The following GPR158 variants were observed in gnomAD, a reference collection of about 807,000 sequenced individuals.
GPR158 encodes the protein metabotropic glycine receptor.
A neutral mutation model predicts 78.2 loss-of-function variants in GPR158; 30 were observed. The observed-to-expected ratio is 0.38, with a 90% CI of 0.29 to 0.52. The LOEUF (loss-of-function observed/expected upper bound fraction) is 0.52, where lower values mean the gene tolerates loss of function less well. Among genes scored for constraint, GPR158 ranks in the 20% least tolerant of loss-of-function variants. The pLI, the probability that GPR158 is intolerant of heterozygous loss-of-function variation, is 0.83. For missense variants in GPR158, 1,463 were observed against 1,523.5 expected, an observed-to-expected ratio of 0.96 and a Z score of 0.66; for synonymous variants, 581 against 591.1, an observed-to-expected ratio of 0.98 and a Z score of 0.25.
At chr10:25,491,797 C>T (rs180716768) in intron 5 of GPR158, among the ~76,000 whole-genome samples, 5 of 152,182 alleles carry the variant, frequency 3.3e-5, no homozygotes, top group Non-Finnish European at 7.4e-5. Context: ...CACTGAAGAA[C>T]ATTTTACTTA....
intron 4 of GPR158, among the ~76,000 whole-genome samples, chr10:25,434,151 ACT>A (rs1157071088): frequency 6.6e-6 from 1 of 152,016 alleles, no homozygotes; most frequent in Non-Finnish European, 1.5e-5. Flanking sequence ...ACACAGCAAG[ACT>A]CTGTCTCAAA....
chr10:25,338,469 TTATAC>T (rs1855249017), intron 2 of GPR158, among the ~76,000 whole-genome samples: 1 of 136,622 alleles, frequency 7.3e-6, no homozygotes, highest in Non-Finnish European at 1.5e-5. Context: ...ATTACGTATA[TTATAC>T]GTATAATATA....
intron 2 of GPR158, among the ~76,000 whole-genome samples, chr10:25,312,937 A>G (rs2130465176): frequency 6.6e-6 from 1 of 152,212 alleles, no homozygotes; most frequent in South Asian, 2.1e-4. Flanking sequence ...GTATCAGTAC[A>G]GTAGAAAAAG....
chr10:25,564,120 G>GTAAT (rs1240660189), intron 6 of GPR158, among the ~76,000 whole-genome samples: 2 of 152,068 alleles, frequency 1.3e-5, no homozygotes, highest in Non-Finnish European at 2.9e-5. Flanking sequence ...TAGTCAGCTG[G>GTAAT]TAATTCAACA....
chr10:25,422,732 G>GA (rs1834767581), intron 4 of GPR158, among the ~76,000 whole-genome samples: 1 of 151,372 alleles, frequency 6.6e-6, no homozygotes, highest in South Asian at 2.1e-4. Flanking sequence ...TAGGTTTTTG[G>GA]GAAACACGTG....
chr10:25,596,592 C>T lies in GPR158; in HGVS notation c.1999-51C>T, dbSNP rs770938228. 8 of 1,381,308 alleles carry T rather than the reference C, an allele frequency of 5.8e-6. No homozygotes were observed. In the South Asian group the frequency reaches 8.4e-5, roughly 15 times the overall value. 85.6% of individuals were successfully genotyped at this position (1,381,308 alleles called of 1,614,324 possible). On this transcript the variant is annotated intron_variant, in intron 9 of 10. Coordinates refer to ENST00000376351, the MANE Select transcript of GPR158 (RefSeq NM_020752.3). ...GTATAGATATAGATATAGATATATG[C>T]AATGCGTTACAGTGAGCTAATGTCT...
chr10:25,267,917 T>A (rs1182313822), intron 2 of GPR158, among the ~76,000 whole-genome samples: 2 of 152,156 alleles, frequency 1.3e-5, no homozygotes, highest in African/African-American at 2.4e-5. Flanking sequence ...TGGATGGATA[T>A]TTTACAAAAA....
At position 25,551,001 on chromosome 10, in the gene GPR158, G is replaced by A; in HGVS notation, c.1430G>A (p.Ser477Asn). The change falls in exon 6 of 11, where the codon AGC becomes AAC. Residue 477 changes from serine to asparagine, a missense_variant. Physicochemically the swap from Ser to Asn is conservative, Grantham distance 46. Coordinates refer to ENST00000376351, the MANE Select transcript of GPR158 (RefSeq NM_020752.3). ...GTTGTTATTTTGTACTTTGAGCCAA[G>A]CACATTTCGCTGTATTCTCCTAAGA... The part of the protein sequence containing the change: ...FPVVILYFEP[S>N]TFRCILLRWA... The A allele has an allele frequency of 8.1e-6, 13 of 1,606,510 alleles. No individual in the cohort carries two copies. The highest frequency in any genetic ancestry group is 1.1e-5 in the Non-Finnish European group (13 of 1,173,260).
chr10:25,253,186 C>G (rs867764832), intron 2 of GPR158, among the ~76,000 whole-genome samples: 2 of 152,200 alleles, frequency 1.3e-5, no homozygotes, highest in Non-Finnish European at 2.9e-5. Context: ...GCACCGTGCG[C>G]GCACCCACTG....
intron 7 of GPR158, among the ~76,000 whole-genome samples, chr10:25,577,324 T>C (rs1024596736): frequency 2.6e-5 from 4 of 152,062 alleles, no homozygotes; most frequent in South Asian, 2.1e-4. Flanking sequence ...TGTTCCCATA[T>C]AGGAAGGGAC....
chr10:25,198,630 A>C (rs1442116345), intron 1 of GPR158, among the ~76,000 whole-genome samples: 1 of 152,232 alleles, frequency 6.6e-6, no homozygotes, highest in Non-Finnish European at 1.5e-5. Context: ...CTTCTAAATA[A>C]GCAGAAAGCT....
chr10:25,288,512 A>G (rs1222114593), intron 2 of GPR158, among the ~76,000 whole-genome samples: 1 of 152,176 alleles, frequency 6.6e-6, no homozygotes, highest in East Asian at 1.9e-4. Context: ...AGTGCTCTAA[A>G]TCTAGAGATT....
chr10:25,215,792 G>C (rs1354291155), intron 1 of GPR158, among the ~76,000 whole-genome samples: 1 of 152,178 alleles, frequency 6.6e-6, no homozygotes, highest in Non-Finnish European at 1.5e-5. Flanking sequence ...CTGAGATCGT[G>C]CCACTGTACT....
chr10:25,436,019 A>T (rs935960765), intron 4 of GPR158, among the ~76,000 whole-genome samples: 67 of 152,262 alleles, frequency 4.4e-4, no homozygotes, highest in African/African-American at 1.3e-3. Context: ...TTACTAAATT[A>T]AAAAAATGGA....
chr10:25,453,058 C>T (rs918736977), intron 4 of GPR158, among the ~76,000 whole-genome samples: 1 of 152,116 alleles, frequency 6.6e-6, no homozygotes, highest in Admixed American at 6.6e-5. Flanking sequence ...ACAGGATTTC[C>T]TGCTTTTTAA....
At chr10:25,307,870 T>C (rs989722659) in intron 2 of GPR158, among the ~76,000 whole-genome samples, 72 of 152,198 alleles carry the variant, frequency 4.7e-4, no homozygotes, top group African/African-American at 1.7e-3. Flanking sequence ...CTTGTGCTTA[T>C]GTGTATTTAT....
At chr10:25,457,443 T>C (rs1185728844) in intron 4 of GPR158, among the ~76,000 whole-genome samples, 2 of 109,766 alleles carry the variant, frequency 1.8e-5, no homozygotes, top group Non-Finnish European at 3.8e-5. Flanking sequence ...TTCTGTATGC[T>C]TTTTTTTTCA....
Position 25,203,682 on chromosome 10 carries a change from G to A in GPR158, c.903-17370G>A, listed in dbSNP as rs1181004507. Among the ~76,000 whole-genome samples, 3 of 145,274 alleles carry A rather than the reference G, an allele frequency of 2.1e-5. 1 individual carries two copies. The highest frequency in any genetic ancestry group is 2.1e-4 in the East Asian group (1 of 4,696). ...GCCTTGTAGTATAGTTTGAAGTCAG[G>A]TAGTGTGATGCCTCCAGCTTTGTTC... On this transcript the variant is annotated intron_variant, in intron 1 of 10. Transcript: ENST00000376351.
intron 2 of GPR158, among the ~76,000 whole-genome samples, chr10:25,270,252 G>C (rs558921133): frequency 6.7e-4 from 102 of 152,304 alleles, no homozygotes; most frequent in African/African-American, 2.3e-3. Flanking sequence ...TTTCAAGAAA[G>C]ATGATTCTGC....
Sources: gnomAD v4.1 joint callset for allele counts (sites outside exome capture counted in the v4.1 genomes callset) on GRCh38, gnomAD v4.1.1 for gene constraint, MANE v1.5 for transcripts, NCBI Gene and HGNC (gene_info 2026-07-23, HGNC 2026-07-21) for gene names.